Variants in DOT1L observed in about 807,000 individuals in gnomAD.
DOT1L encodes histone-lysine N-methyltransferase, H3 lysine-79 specific.
Under a neutral mutation model 153.3 loss-of-function variants are expected in DOT1L, and 33 were observed. That is an observed-to-expected ratio of 0.22 (90% CI 0.16 to 0.29). DOT1L has a LOEUF of 0.29. Among genes scored for constraint, DOT1L ranks in the 10% least tolerant of loss-of-function variants. The probability of loss-of-function intolerance (pLI) is 1.00; values close to 1 mark genes in which losing one functional copy is unlikely to be tolerated. For missense variants in DOT1L, 1,847 were observed against 2,119.9 expected (o/e 0.87, Z 2.53); for synonymous variants, 1,135 against 965.1 (o/e 1.18, Z -3.26).
At chr19:2,178,183 C>T (rs1345749645) in intron 1 of DOT1L, among the ~76,000 whole-genome samples, 2 of 150,140 alleles carry the variant, frequency 1.3e-5, no homozygotes, top group Admixed American at 6.6e-5. Context: ...CCACCCGCCT[C>T]GGCCTCCCAA....
At chr19:2,210,981 C>A in intron 14 of DOT1L, 118 bp from the exon 15 acceptor site, 1 of 1,458,132 alleles carries the variant, frequency 6.9e-7, no homozygotes, top group Non-Finnish European at 9.4e-7. Context: ...CCTGTTGTGG[C>A]TGTGCCTTCA....
At chr19:2,224,881 G>C (rs1568370178) in intron 25 of DOT1L, among the ~76,000 whole-genome samples, 1 of 152,336 alleles carries the variant, frequency 6.6e-6, no homozygotes, top group East Asian at 1.9e-4. Flanking sequence ...TCAGCTTAGT[G>C]GTTTCCAGGA....
At chr19:2,168,889 C>T (rs2020024982) in intron 1 of DOT1L, among the ~76,000 whole-genome samples, 1 of 152,204 alleles carries the variant, frequency 6.6e-6, no homozygotes, top group Non-Finnish European at 1.5e-5. Context: ...GCTAGGATTA[C>T]AGGCATGAGC....
At chr19:2,215,437 G>C (rs1233956701) in intron 19 of DOT1L, 1 of 152,292 alleles carries the variant, frequency 6.6e-6, no homozygotes, top group East Asian at 1.9e-4. Context: ...GAAAGCAGCA[G>C]GTCACGGGCT....
At chr19:2,167,269 C>T (rs978581181) in intron 1 of DOT1L, among the ~76,000 whole-genome samples, 2 of 152,184 alleles carry the variant, frequency 1.3e-5, no homozygotes. Context: ...CAACAGTTGC[C>T]ACTTGTCAGT....
intron 1 of DOT1L, among the ~76,000 whole-genome samples, chr19:2,176,388 A>G (rs1444028569): frequency 6.6e-6 from 1 of 152,190 alleles, no homozygotes. Context: ...GGCGTGGGGC[A>G]GAGGGCACGG....
At chr19:2,203,649 A>G (rs895286348) in intron 9 of DOT1L, among the ~76,000 whole-genome samples, 1 of 152,156 alleles carries the variant, frequency 6.6e-6, no homozygotes, top group Non-Finnish European at 1.5e-5. Context: ...AGCCCATGAC[A>G]TCGATTCCAG....
intron 1 of DOT1L, among the ~76,000 whole-genome samples, chr19:2,170,556 A>G (rs768069493): frequency 1.2e-4 from 19 of 152,022 alleles, no homozygotes; most frequent in Non-Finnish European, 2.6e-4. Flanking sequence ...CACTTCCAGC[A>G]TGTCTACCTC....
At position 2,208,906 on chromosome 19, in the gene DOT1L, C is replaced by A; in HGVS notation, c.964-29C>A. 3.1e-6 allele frequency: 5 copies of A among 1,609,610 alleles called. No homozygotes were observed. Among genetic ancestry groups the A allele is most frequent in the Non-Finnish European group, 4.2e-6 (5 of 1,177,978 alleles). On this transcript the variant is annotated intron_variant, in intron 11 of 27. Coordinates refer to ENST00000398665, the MANE Select transcript of DOT1L (RefSeq NM_032482.3). This position sits in a 1 kb window ranked among gnomAD's most constrained non-coding sequence, Gnocchi z 4.4. Reference sequence around the variant, plus strand: ...TCCGAACAGAGATTGGGACTCCCTTCTAATCAGGGTTCTCTTTCTTCTTTT... The same window carrying A: ...TCCGAACAGAGATTGGGACTCCCTTATAATCAGGGTTCTCTTTCTTCTTTT...
chr19:2,205,061 C>T (rs1311837848), intron 9 of DOT1L, among the ~76,000 whole-genome samples: 4 of 152,068 alleles, frequency 2.6e-5, no homozygotes, highest in African/African-American at 4.8e-5. Context: ...AGCTCCGCCT[C>T]CCAGGTTCAC....
intron 7 of DOT1L, among the ~76,000 whole-genome samples, chr19:2,195,391 C>T (rs1172667080): frequency 6.6e-6 from 1 of 152,166 alleles, no homozygotes; most frequent in East Asian, 1.9e-4. Context: ...CTCAGGCGCT[C>T]ACCTGTGGTG....
intron 15 of DOT1L, 64 bp downstream of exon 15, chr19:2,211,276 G>T: frequency 7.1e-7 from 1 of 1,418,236 alleles, no homozygotes; most frequent in East Asian, 2.3e-5. Flanking sequence ...GAGGACCGTG[G>T]GTTGTGACGC....
chr19:2,227,281 T>A, intron 27 of DOT1L, 154 bp downstream of exon 27: 1 of 968,534 alleles, frequency 1.0e-6, no homozygotes, highest in Non-Finnish European at 1.7e-6. Context: ...GGTGGCGAAC[T>A]CCAGTCCTGT....
chr19:2,170,551 C>G (rs116595981), intron 1 of DOT1L, among the ~76,000 whole-genome samples: 1 of 152,112 alleles, frequency 6.6e-6, no homozygotes, highest in Non-Finnish European at 1.5e-5. Flanking sequence ...CAACTCACTT[C>G]CAGCATGTCT....
chr19:2,220,447 G>A lies in DOT1L; in HGVS notation c.2806+225G>A, dbSNP rs751678549. The A allele has an allele frequency of 2.1e-5, 14 of 652,516 alleles. No individual in the cohort carries two copies. The highest frequency in any genetic ancestry group is 3.0e-5 in the East Asian group (1 of 33,406). The allele number at this position is 652,516 out of a possible 1,614,324, so 40.4% of individuals were successfully genotyped here. On this transcript the variant is annotated intron_variant, in intron 23 of 27. Transcript: ENST00000398665. This position sits in a 1 kb window ranked among gnomAD's most constrained non-coding sequence, Gnocchi z 4.5. ...TCTCGGCCTCATACCTGGGTCTCCC[G>A]ACACTGACACCTCCTGCTTGGGTGT... is the stretch of plus-strand genomic sequence containing the variant.
At chr19:2,211,260 T>C in intron 15 of DOT1L, 48 bp downstream of exon 15, 1 of 1,503,134 alleles carries the variant, frequency 6.7e-7, no homozygotes, top group Non-Finnish European at 9.0e-7. Flanking sequence ...CTTGGGGTCA[T>C]CCCAGGAGGA....
At position 2,207,653 on chromosome 19, in the gene DOT1L, C is replaced by T. The variant is rs770862209; in HGVS notation, c.936C>T (p.Tyr312=). ...CGTGGACGGGGAAGCCAGTCTCCTA[C>T]TACCTGCACACTATCGACCGCACCA... The part of the protein sequence containing the change: ...SVSWTGKPVS[Y]YLHTIDRTIL... The change falls in exon 11 of 28, where the codon TAC becomes TAT. Residue 312 remains tyrosine (Y), a synonymous_variant. Coordinates refer to ENST00000398665, the MANE Select transcript of DOT1L (RefSeq NM_032482.3). This position sits in a 1 kb window ranked among gnomAD's most constrained non-coding sequence, Gnocchi z 4.5. 1 of 1,612,920 alleles carries T rather than the reference C, an allele frequency of 6.2e-7. No homozygotes were observed. The highest frequency in any genetic ancestry group is 1.1e-5 in the South Asian group (1 of 91,084).
At position 2,222,450 on chromosome 19, in the gene DOT1L, C is replaced by T. The variant is rs774032986; in HGVS notation, c.3281C>T (p.Ala1094Val). ...RRRGRRKRAS[A>V]GTPSLSAGVS... Reference sequence around the variant, plus strand: ...CGCGGCCGGCGGAAGCGAGCATCTGCGGGGACGCCCAGCTTGAGCGCAGGC... The same window carrying T: ...CGCGGCCGGCGGAAGCGAGCATCTGTGGGGACGCCCAGCTTGAGCGCAGGC... The change falls in exon 24 of 28, where the codon GCG (alanine) becomes GTG (valine). Residue 1094 changes from alanine to valine, a missense_variant. Physicochemically the swap from Ala to Val is moderately conservative, Grantham distance 64 (BLOSUM62 0). Coordinates refer to ENST00000398665, the MANE Select transcript of DOT1L (RefSeq NM_032482.3). The surrounding 1 kb of genome is among the most constrained non-coding windows in gnomAD (Gnocchi z 6.5). 4.4e-6 allele frequency: 7 copies of T among 1,608,094 alleles called. No homozygotes were observed. Among genetic ancestry groups the T allele is most frequent in the Admixed American group, 1.7e-5 (1 of 59,846 alleles).
chr19:2,204,844 A>G lies in DOT1L; in HGVS notation c.788-1885A>G, dbSNP rs2023432212. The stretch of plus-strand genomic sequence containing the variant: ...CCTGTGTGCCCAGCCTGGCCCTGGA[A>G]CCGCCCTTCCTGCTCCTCCTGAGGG... On this transcript the variant is annotated intron_variant, in intron 9 of 27. Transcript: ENST00000398665. This position sits in a 1 kb window ranked among gnomAD's most constrained non-coding sequence, Gnocchi z 5.7. Among the ~76,000 whole-genome samples the G allele has an allele frequency of 6.6e-6, 1 of 152,050 alleles. No individual in the cohort carries two copies. Among genetic ancestry groups the G allele is most frequent in the African/African-American group, 2.4e-5 (1 of 41,392 alleles).
Sources: gnomAD v4.1 joint callset for allele counts (sites outside exome capture counted in the v4.1 genomes callset) on GRCh38, gnomAD v4.1.1 for gene constraint, Gnocchi (gnomAD v3.1) non-coding constraint, MANE v1.5 for transcripts, NCBI Gene and HGNC (gene_info 2026-07-23, HGNC 2026-07-21) for gene names.